The following POU2F2 variants were observed in gnomAD, a reference collection of about 807,000 sequenced individuals.
POU2F2 encodes POU class 2 homeobox 2.
POU2F2 carries 14 observed loss-of-function variants against 63.5 expected under a neutral mutation model. The observed-to-expected ratio is 0.22, with a 90% confidence interval of 0.15 to 0.34. The LOEUF (loss-of-function observed/expected upper bound fraction) is 0.34, where lower values mean the gene tolerates loss of function less well. Among genes scored for constraint, POU2F2 ranks in the 10% least tolerant of loss-of-function variants. POU2F2 has a pLI of 1.00. For synonymous variants in POU2F2, 306 were observed against 348.6 expected (o/e 0.88, Z 1.36); for missense variants, 607 against 815.2 (o/e 0.74, Z 3.11).
At chr19:42,125,484 C>T (rs958321307) in intron 1 of POU2F2, among the ~76,000 whole-genome samples, 1 of 152,018 alleles carries the variant, frequency 6.6e-6, no homozygotes, top group African/African-American at 2.4e-5. Flanking sequence ...GCTACTGATA[C>T]AAGATATAAG....
At chr19:42,134,066 A>G (rs2033930926), upstream of POU2F2, among the ~76,000 whole-genome samples, 1 of 152,240 alleles carries the variant, frequency 6.6e-6, no homozygotes, top group African/African-American at 2.4e-5. Context: ...GCAACTGGCC[A>G]CAGGATTTCT....
chr19:42,117,565 TG>T lies in POU2F2; in HGVS notation c.187-134del. The T allele has an allele frequency of 2.0e-6, 1 of 488,802 alleles. No homozygotes were observed. Among genetic ancestry groups the T allele is most frequent in the South Asian group, 3.6e-5 (1 of 28,094 alleles). The allele number at this position is 488,802 out of a possible 1,614,324, so 30.3% of individuals were successfully genotyped here. ...CGCTGGGAGCTTCAAACCACTCCTC[TG>T]GCCTCAGTTTCCTCATCAATCAGAT... On this transcript the variant is annotated intron_variant, in intron 4 of 14. Coordinates refer to ENST00000692977, the MANE Select transcript of POU2F2 (RefSeq NM_001394376.1). The surrounding 1 kb of genome is among the most constrained non-coding windows in gnomAD (Gnocchi z 4.4).
intron 2 of POU2F2, chr19:42,157,386 A>G (rs77701064): frequency 0.1 from 15,691 of 151,258 alleles, 969 homozygotes; most frequent in Middle Eastern, 0.21. Context: ...CTGTGCCTGA[A>G]CCCCCACGAG....
chr19:42,177,585 A>T (rs1473188901), upstream of POU2F2, among the ~76,000 whole-genome samples: 3 of 151,832 alleles, frequency 2.0e-5, no homozygotes, highest in African/African-American at 4.8e-5. Context: ...GAGGGGTAGG[A>T]ATAGAAGGGG....
intron 14 of POU2F2, 91 bp downstream of exon 14, chr19:42,091,776 C>A: frequency 6.5e-7 from 1 of 1,547,174 alleles, no homozygotes; most frequent in Non-Finnish European, 8.7e-7. Context: ...TGAGCAGGGG[C>A]AGGATGGCAT....
chr19:42,105,100 C>T (rs1046998571), intron 5 of POU2F2, among the ~76,000 whole-genome samples: 9 of 152,146 alleles, frequency 5.9e-5, no homozygotes, highest in African/African-American at 1.9e-4. Flanking sequence ...AACTGTGAAG[C>T]GGGCAACACT....
chr19:42,180,920 A>G (rs1316867771), upstream of POU2F2, among the ~76,000 whole-genome samples: 1 of 151,074 alleles, frequency 6.6e-6, no homozygotes, highest in Non-Finnish European at 1.5e-5. Context: ...AGCAGAGATG[A>G]GGTCTCCATA....
At chr19:42,103,941 G>C (rs1471154393) in intron 5 of POU2F2, among the ~76,000 whole-genome samples, 2 of 152,096 alleles carry the variant, frequency 1.3e-5, no homozygotes, top group Admixed American at 1.3e-4. Flanking sequence ...GCCAGAAGGG[G>C]CTCATTTCTT....
intron 5 of POU2F2, among the ~76,000 whole-genome samples, chr19:42,115,261 C>T (rs2031700647): frequency 6.6e-6 from 1 of 152,192 alleles, no homozygotes; most frequent in African/African-American, 2.4e-5. Flanking sequence ...GGCAGGTTAT[C>T]AGCTCAGTGT....
intron 1 of POU2F2, among the ~76,000 whole-genome samples, chr19:42,183,552 G>A (rs1259700133): frequency 6.6e-6 from 1 of 152,164 alleles, no homozygotes; most frequent in African/African-American, 2.4e-5. Flanking sequence ...TCATTAAACT[G>A]TACATTTACA....
At chr19:42,138,206 C>G (rs535833507) in intron 2 of POU2F2, among the ~76,000 whole-genome samples, 1 of 152,308 alleles carries the variant, frequency 6.6e-6, no homozygotes, top group Admixed American at 6.5e-5. Context: ...ACATCACCAT[C>G]AGGTGATGAT....
intron 1 of POU2F2, among the ~76,000 whole-genome samples, chr19:42,186,604 G>C (rs2035015412): frequency 6.6e-6 from 1 of 152,014 alleles, no homozygotes; most frequent in Admixed American, 6.6e-5. Context: ...TTGCATTTTT[G>C]AGAATATGAA....
intron 1 of POU2F2, among the ~76,000 whole-genome samples, chr19:42,173,412 A>G (rs1208469789): frequency 6.6e-6 from 1 of 152,070 alleles, no homozygotes; most frequent in African/African-American, 2.4e-5. Context: ...GAAAAGCTCT[A>G]CCCAGTGGGG....
At position 42,091,226 on chromosome 19, in the gene POU2F2, A is replaced by G. The variant is rs2076701051; in HGVS notation, c.*31T>C. ...CAGGCAAGGGACCAAGGCAGGGACC[A>G]GAGGAATGGGAGGGGAGGCATGGCT... On this transcript the variant is annotated 3_prime_UTR_variant, in exon 15 of 15. Coordinates refer to ENST00000692977, the MANE Select transcript of POU2F2 (RefSeq NM_001394376.1). 5 of 1,508,036 alleles carry G rather than the reference A, an allele frequency of 3.3e-6. No individual in the cohort carries two copies. Among genetic ancestry groups the G allele is most frequent in the African/African-American group, 1.4e-5 (1 of 72,300 alleles). The allele number at this position is 1,508,036 out of a possible 1,614,324, so 93.4% of individuals were successfully genotyped here. A position where few individuals can be genotyped will look rare whatever the true frequency, so the allele number is the denominator to read the frequency against.
intron 5 of POU2F2, among the ~76,000 whole-genome samples, chr19:42,112,064 T>A (rs753230169): frequency 1.3e-5 from 2 of 152,208 alleles, no homozygotes; most frequent in Admixed American, 6.5e-5. Flanking sequence ...TGCTACCTTA[T>A]GCTAAAATTC....
At chr19:42,185,965 C>T (rs1303148413) in intron 1 of POU2F2, among the ~76,000 whole-genome samples, 1 of 152,192 alleles carries the variant, frequency 6.6e-6, no homozygotes, top group African/African-American at 2.4e-5. Flanking sequence ...TTATGGCTCA[C>T]TGCACACTCG....
chr19:42,150,745 G>GC (rs1047655779), intron 2 of POU2F2, among the ~76,000 whole-genome samples: 9 of 149,330 alleles, frequency 6.0e-5, no homozygotes, highest in Non-Finnish European at 1.3e-4. Context: ...TCCTGCTCCT[G>GC]TTTTTTTATT....
chr19:42,146,506 T>A (rs2034237323), intron 2 of POU2F2, among the ~76,000 whole-genome samples: 2 of 152,222 alleles, frequency 1.3e-5, no homozygotes, highest in Admixed American at 6.5e-5. Context: ...GATTGCACAA[T>A]GCTCCCCAGC....
At chr19:42,180,894 AT>A (rs112622594), upstream of POU2F2, among the ~76,000 whole-genome samples, 12,981 of 140,018 alleles carry the variant, frequency 0.093, 629 homozygotes, top group Middle Eastern at 0.19. Flanking sequence ...ACACCCATCT[AT>A]TTTTTTTTTT....
Sources: gnomAD v4.1 joint callset for allele counts (sites outside exome capture counted in the v4.1 genomes callset) on GRCh38, gnomAD v4.1.1 for gene constraint, Gnocchi (gnomAD v3.1) non-coding constraint, MANE v1.5 for transcripts, NCBI Gene and HGNC (gene_info 2026-07-23, HGNC 2026-07-21) for gene names.